Variants in PCDH7 observed in about 807,000 individuals in gnomAD.
PCDH7 encodes protocadherin-7.
In PCDH7, 17 loss-of-function variants were observed where a neutral mutation model predicts 58.9. That is an observed-to-expected ratio of 0.29 (90% CI 0.20 to 0.43). The LOEUF is 0.43. Ranked by LOEUF, PCDH7 falls within the 20% of genes least tolerant of loss-of-function variation. The pLI is 1.00. For synonymous variants in PCDH7, 664 were observed against 616.4 expected, an observed-to-expected ratio of 1.08 and a Z score of -1.14; for missense variants, 1,274 against 1,441.0, an observed-to-expected ratio of 0.88 and a Z score of 1.88.
chr4:30,995,061 CAA>C (rs918677208), intron 3 of PCDH7, among the ~76,000 whole-genome samples: 28 of 152,222 alleles, frequency 1.8e-4, no homozygotes, highest in African/African-American at 6.5e-4. Context: ...TTAGGTTGAA[CAA>C]AAGACATTCT....
At chr4:31,027,780 G>A (rs553059227) in intron 3 of PCDH7, among the ~76,000 whole-genome samples, 1 of 152,210 alleles carries the variant, frequency 6.6e-6, no homozygotes, top group Non-Finnish European at 1.5e-5. Flanking sequence ...AAGTATATTT[G>A]ACATTAAAAT....
intron 1 of PCDH7, among the ~76,000 whole-genome samples, chr4:30,915,815 G>A (rs572330728): frequency 1.3e-5 from 2 of 152,088 alleles, no homozygotes; most frequent in South Asian, 2.1e-4. Context: ...GAGCCACTGA[G>A]CCTGGCCCTC....
chr4:30,875,584 G>C (rs766490163), intron 1 of PCDH7, among the ~76,000 whole-genome samples: 2 of 152,042 alleles, frequency 1.3e-5, no homozygotes, highest in Non-Finnish European at 2.9e-5. Context: ...ACTTTCAAGA[G>C]TATTTAGTTA....
At chr4:31,061,327 C>T (rs373018606) in intron 3 of PCDH7, among the ~76,000 whole-genome samples, 3 of 151,532 alleles carry the variant, frequency 2.0e-5, no homozygotes, top group Admixed American at 1.3e-4. Flanking sequence ...GTGTTTGGCT[C>T]ATGAAGTCTT....
At chr4:31,056,504 A>AGAAG (rs1413370848) in intron 3 of PCDH7, among the ~76,000 whole-genome samples, 45 of 117,948 alleles carry the variant, frequency 3.8e-4, no homozygotes, top group Admixed American at 1.6e-3. Flanking sequence ...AAAGAAAGAA[A>AGAAG]GAAAGAAAGA....
chr4:31,134,475 A>G (rs910784224), intron 3 of PCDH7, among the ~76,000 whole-genome samples: 1 of 152,102 alleles, frequency 6.6e-6, no homozygotes, highest in Non-Finnish European at 1.5e-5. Context: ...CAAAAAACAA[A>G]CAAACAAAAA....
chr4:30,931,598 T>C (rs1215012115), intron 2 of PCDH7, among the ~76,000 whole-genome samples: 1 of 151,318 alleles, frequency 6.6e-6, no homozygotes, highest in Non-Finnish European at 1.5e-5. Flanking sequence ...TATAAATATA[T>C]ATATGTAGTA....
intron 3 of PCDH7, among the ~76,000 whole-genome samples, chr4:30,951,791 G>T (rs1213973319): frequency 6.6e-6 from 1 of 152,116 alleles, no homozygotes; most frequent in Admixed American, 6.6e-5. Context: ...AGATCACTCA[G>T]GATTGACTCA....
rs767990665 is a variant in PCDH7 at position 30,722,796 on chromosome 4, C to A, written c.1374C>A (p.Val458=). ...GAGACCAAGGCGAGAACGGGGTGGT[C>A]ACCTGCACCGTGGTGGGCGACGTGC... Residue 458 remains valine (V), a synonymous_variant, in exon 1 of 2, where the codon GTC becomes GTA. Transcript: ENST00000361762. This position sits in a 1 kb window ranked among gnomAD's most constrained non-coding sequence, Gnocchi z 7.6. 1.2e-6 allele frequency: 2 copies of A among 1,613,664 alleles called. No individual in the cohort carries two copies. The highest frequency in any genetic ancestry group is 1.7e-6 in the Non-Finnish European group (2 of 1,180,048).
At chr4:31,056,627 G>C in intron 3 of PCDH7, among the ~76,000 whole-genome samples, 1 of 148,640 alleles carries the variant, frequency 6.7e-6, no homozygotes, top group Non-Finnish European at 1.5e-5. Context: ...GAAAGACAGA[G>C]AGAGAGAGGA....
At chr4:31,143,662 C>G (rs992529394), downstream of PCDH7, 1 of 152,140 alleles carries the variant, frequency 6.6e-6, no homozygotes, top group Non-Finnish European at 1.5e-5. Flanking sequence ...CTATTATTAA[C>G]TAACTTGAAC....
chr4:31,097,045 T>C (rs1714095701), intron 3 of PCDH7, among the ~76,000 whole-genome samples: 1 of 152,094 alleles, frequency 6.6e-6, no homozygotes, highest in South Asian at 2.1e-4. Flanking sequence ...ATCACTATTA[T>C]GTAATTTTGT....
intron 3 of PCDH7, among the ~76,000 whole-genome samples, chr4:31,018,136 T>C (rs528272024): frequency 1.4e-4 from 22 of 152,302 alleles, no homozygotes; most frequent in Non-Finnish European, 2.8e-4. Flanking sequence ...AAAAGAAGAT[T>C]ATCAGCATGT....
At chr4:31,048,435 G>A (rs1428845610) in intron 3 of PCDH7, among the ~76,000 whole-genome samples, 1 of 151,996 alleles carries the variant, frequency 6.6e-6, no homozygotes, top group Non-Finnish European at 1.5e-5. Flanking sequence ...TCTAATCCAT[G>A]GCAATATAAT....
At chr4:30,968,417 G>GATATATATATATATAT (rs1560541749) in intron 3 of PCDH7, among the ~76,000 whole-genome samples, 3 of 20,944 alleles carry the variant, frequency 1.4e-4, no homozygotes, top group Non-Finnish European at 2.0e-4. Flanking sequence ...TATATATATG[G>GATATATATATATATAT]GATATTATGT....
At chr4:30,840,083 T>C (rs1412520637) in intron 1 of PCDH7, among the ~76,000 whole-genome samples, 1 of 151,542 alleles carries the variant, frequency 6.6e-6, no homozygotes, top group Non-Finnish European at 1.5e-5. Flanking sequence ...GGAGTAGGGG[T>C]AGTTGAACAA....
intron 3 of PCDH7, among the ~76,000 whole-genome samples, chr4:30,984,424 T>C (rs1750806990): frequency 6.6e-6 from 1 of 152,196 alleles, no homozygotes; most frequent in Admixed American, 6.5e-5. Flanking sequence ...AATCTTCTGT[T>C]CCTTGGGAAC....
chr4:30,888,222 G>T (rs1738110523), intron 1 of PCDH7, among the ~76,000 whole-genome samples: 1 of 151,966 alleles, frequency 6.6e-6, no homozygotes, highest in Non-Finnish European at 1.5e-5. Flanking sequence ...GATCATAATT[G>T]TAAAATCCAA....
At chr4:31,020,504 A>C (rs1753942040) in intron 3 of PCDH7, among the ~76,000 whole-genome samples, 1 of 152,194 alleles carries the variant, frequency 6.6e-6, no homozygotes, top group Non-Finnish European at 1.5e-5. Flanking sequence ...CTAATTCACA[A>C]TTGCACTGTA....
Sources: gnomAD v4.1 joint callset for allele counts (sites outside exome capture counted in the v4.1 genomes callset) on GRCh38, gnomAD v4.1.1 for gene constraint, Gnocchi (gnomAD v3.1) non-coding constraint, MANE v1.5 for transcripts, NCBI Gene and HGNC (gene_info 2026-07-23, HGNC 2026-07-21) for gene names.